Variants in SPIRE1 observed in about 807,000 individuals in gnomAD.
SPIRE1 encodes protein spire homolog 1.
Under a neutral mutation model 94.1 loss-of-function variants are expected in SPIRE1, and 40 were observed. The ratio of observed to expected loss-of-function variants is 0.43; its 90% CI spans 0.33 to 0.55. The LOEUF (loss-of-function observed/expected upper bound fraction) is 0.55, where lower values mean the gene tolerates loss of function less well. SPIRE1 is among the 20% of genes least tolerant of loss of function. SPIRE1 has a pLI of 0.06. For synonymous variants in SPIRE1, 376 were observed against 371.7 expected (o/e 1.01, Z -0.13); for missense variants, 838 against 975.2 (o/e 0.86, Z 1.87).
chr18:12,473,251 G>A (rs1039490627), intron 10 of SPIRE1, among the ~76,000 whole-genome samples: 1 of 151,994 alleles, frequency 6.6e-6, no homozygotes, highest in African/African-American at 2.4e-5. Flanking sequence ...GCACTTAGCA[G>A]TATGTATCAA....
intron 7 of SPIRE1, 150 bp downstream of exon 7, chr18:12,495,866 A>G: frequency 1.7e-6 from 1 of 599,900 alleles, no homozygotes; most frequent in South Asian, 2.1e-5. Context: ...CTTAAAAACA[A>G]AAAATATAAT....
In SPIRE1 at chr18:12,453,818, C is replaced by T. The variant is rs2031370343; in HGVS notation, c.1776+528G>A. 2.6e-5 allele frequency among the ~76,000 whole-genome samples: 4 copies of T among 151,568 alleles called. No homozygotes were observed. The South Asian group carries it at 8.3e-4, about 32-fold the overall frequency. Reference sequence around the variant, plus strand: ...GCTTTTTTATTGAGACGGAGTCTCACTATGTCACCAGGCTGGAGTGCAGTG... The same window carrying T: ...GCTTTTTTATTGAGACGGAGTCTCATTATGTCACCAGGCTGGAGTGCAGTG... On this transcript the variant is annotated intron_variant, in intron 13 of 16. Coordinates refer to ENST00000409402, the MANE Select transcript of SPIRE1 (RefSeq NM_001128626.2).
At chr18:12,462,148 A>G (rs2031890161) in intron 12 of SPIRE1, among the ~76,000 whole-genome samples, 1 of 152,212 alleles carries the variant, frequency 6.6e-6, no homozygotes, top group Non-Finnish European at 1.5e-5. Flanking sequence ...AGGAATCGCC[A>G]TAAAATCATT....
At chr18:12,651,991 T>C (rs1426054176) in intron 1 of SPIRE1, among the ~76,000 whole-genome samples, 1 of 152,202 alleles carries the variant, frequency 6.6e-6, no homozygotes, top group African/African-American at 2.4e-5. Flanking sequence ...TTTTAAACGA[T>C]TCTTTATACA....
chr18:12,579,205 A>G (rs1292977465), intron 2 of SPIRE1, among the ~76,000 whole-genome samples: 1 of 93,554 alleles, frequency 1.1e-5, no homozygotes, highest in Non-Finnish European at 2.3e-5. Flanking sequence ...ACACATACAC[A>G]CACACACACA....
intron 2 of SPIRE1, among the ~76,000 whole-genome samples, chr18:12,558,275 A>AC (rs2035577828): frequency 6.6e-6 from 1 of 151,992 alleles, no homozygotes; most frequent in Non-Finnish European, 1.5e-5. Context: ...GGTGAGTGTT[A>AC]CAGTTCTTAA....
intron 2 of SPIRE1, among the ~76,000 whole-genome samples, chr18:12,621,444 A>G (rs994377948): frequency 1.8e-4 from 28 of 152,350 alleles, no homozygotes; most frequent in African/African-American, 6.5e-4. Context: ...ACCATTACTC[A>G]TAACAGCCAA....
chr18:12,571,139 A>G (rs1405438020), intron 2 of SPIRE1, among the ~76,000 whole-genome samples: 1 of 151,696 alleles, frequency 6.6e-6, no homozygotes, highest in Non-Finnish European at 1.5e-5. Context: ...CAGTTGCACA[A>G]CCTCTGCTCA....
intron 3 of SPIRE1, among the ~76,000 whole-genome samples, chr18:12,542,730 C>T (rs2035045943): frequency 6.6e-6 from 1 of 152,190 alleles, no homozygotes; most frequent in Admixed American, 6.5e-5. Flanking sequence ...AACACTAACT[C>T]CACGCTACTG....
intron 2 of SPIRE1, among the ~76,000 whole-genome samples, chr18:12,611,954 G>GT (rs1490598277): frequency 6.6e-6 from 1 of 152,024 alleles, no homozygotes; most frequent in African/African-American, 2.4e-5. Flanking sequence ...GATTACAGGC[G>GT]TGAGCCACTG....
At chr18:12,608,183 A>C (rs2037040957) in intron 2 of SPIRE1, among the ~76,000 whole-genome samples, 1 of 150,570 alleles carries the variant, frequency 6.6e-6, no homozygotes, top group South Asian at 2.1e-4. Flanking sequence ...AATCTCACCT[A>C]CTCCATAAAT....
At chr18:12,597,828 A>G (rs1471022789) in intron 2 of SPIRE1, among the ~76,000 whole-genome samples, 1 of 152,204 alleles carries the variant, frequency 6.6e-6, no homozygotes, top group East Asian at 1.9e-4. Flanking sequence ...GAGTGGAATC[A>G]AATGGCACAG....
chr18:12,643,789 CAAG>C (rs2038147363), intron 1 of SPIRE1, among the ~76,000 whole-genome samples: 1 of 151,974 alleles, frequency 6.6e-6, no homozygotes, highest in African/African-American at 2.4e-5. Context: ...TATATATAGT[CAAG>C]AAATATTTTT....
intron 2 of SPIRE1, among the ~76,000 whole-genome samples, chr18:12,588,631 G>A (rs375205981): frequency 7.8e-5 from 11 of 140,386 alleles, no homozygotes; most frequent in African/African-American, 2.8e-4. Context: ...AAAAACCTCC[G>A]TGGACTTGCT....
At chr18:12,514,466 T>C (rs910938242) in intron 4 of SPIRE1, among the ~76,000 whole-genome samples, 1 of 152,140 alleles carries the variant, frequency 6.6e-6, no homozygotes, top group African/African-American at 2.4e-5. Context: ...TTTTTTTTTT[T>C]GTATTTTGTT....
Position 12,486,060 on chromosome 18 carries a change from G to A in SPIRE1, c.1190-60C>T. 7.5e-6 allele frequency: 10 copies of A among 1,341,732 alleles called. No individual in the cohort carries two copies. The Admixed American group carries it at 7.8e-5, about 11-fold the overall frequency. The allele number at this position is 1,341,732 out of a possible 1,614,324, so 83.1% of individuals were successfully genotyped here. On this transcript the variant is annotated intron_variant, in intron 8 of 16. Transcript: ENST00000409402. ...AATTCAGCTGTTAGGAATATACAGA[G>A]AGGACAAAAAAGGGAACGGATTAAT...
At chr18:12,650,423 T>C (rs533348122) in intron 1 of SPIRE1, among the ~76,000 whole-genome samples, 1 of 151,902 alleles carries the variant, frequency 6.6e-6, no homozygotes, top group South Asian at 2.1e-4. Context: ...TACCCAGGCA[T>C]GGGCCAGGTG....
chr18:12,514,889 G>A (rs529351767), intron 4 of SPIRE1, among the ~76,000 whole-genome samples: 76 of 152,170 alleles, frequency 5.0e-4, no homozygotes, highest in Non-Finnish European at 9.1e-4. Context: ...GAAGAAAAGA[G>A]GTAATTATAG....
rs373632659 is a variant in SPIRE1, at chr18:12,550,179, G to A, written c.373-3275C>T. The stretch of plus-strand genomic sequence containing the variant: ...CTCTCCTAACCCCTCATACCCTCCA[G>A]TGCAATCCCATTTCTGTGCTCCCTT... On this transcript the variant is annotated intron_variant, in intron 2 of 16. Transcript: ENST00000409402. 5.5e-4 allele frequency among the ~76,000 whole-genome samples: 83 copies of A among 152,088 alleles called. 1 individual carries two copies. The highest frequency in any genetic ancestry group is 5.7e-4 in the Non-Finnish European group (39 of 68,028).
Sources: allele counts gnomAD v4.1 joint callset (sites outside exome capture counted in the v4.1 genomes callset), GRCh38; gene constraint gnomAD v4.1.1; transcripts MANE v1.5; gene names NCBI Gene and HGNC (gene_info 2026-07-23, HGNC 2026-07-21).